MMP26: variants seen among roughly 807,000 people sequenced by gnomAD.
MMP26 encodes matrix metalloproteinase-26.
A neutral mutation model predicts 31.0 loss-of-function variants in MMP26; 33 were observed. The observed-to-expected ratio is 1.06, with a 90% CI of 0.81 to 1.42. The LOEUF (loss-of-function observed/expected upper bound fraction) is 1.42, where lower values mean the gene tolerates loss of function less well. Ranked by LOEUF, MMP26 falls within the 40% of genes most tolerant of loss-of-function variation. The pLI, the probability that MMP26 is intolerant of heterozygous loss-of-function variation, is 0.00. For synonymous variants in MMP26, 122 were observed against 114.9 expected (o/e 1.06, Z -0.40); for missense variants, 347 against 316.1 (o/e 1.10, Z -0.74).
chr11:4,947,750 A>G (rs1217271229), intron 2 of MMP26: 3 of 125,696 alleles, frequency 2.4e-5, no homozygotes, highest in Non-Finnish European at 5.4e-5. Context: ...GACAATAAGA[A>G]TAAACATTTG....
chr11:4,931,088 A>G (rs1261433558), intron 2 of MMP26, among the ~76,000 whole-genome samples: 1 of 152,080 alleles, frequency 6.6e-6, no homozygotes, highest in African/African-American at 2.4e-5. Flanking sequence ...AGGAAGAGAG[A>G]GAGAGACAGA....
intron 1 of MMP26, among the ~76,000 whole-genome samples, chr11:4,757,067 C>A (rs990795555): frequency 1.3e-5 from 2 of 151,710 alleles, no homozygotes; most frequent in Admixed American, 6.6e-5. Flanking sequence ...ATAGAAGAAA[C>A]AACCTGGATT....
At chr11:4,706,106 G>C (rs1369802328) in intron 1 of MMP26, among the ~76,000 whole-genome samples, 1 of 152,180 alleles carries the variant, frequency 6.6e-6, no homozygotes, top group East Asian at 1.9e-4. Flanking sequence ...GCTATGTACA[G>C]TGGAAAGGGG....
chr11:4,915,302 A>G, intron 2 of MMP26: 1 of 1,614,040 alleles, frequency 6.2e-7, no homozygotes, highest in Non-Finnish European at 8.5e-7. Flanking sequence ...GGCCATAGAC[A>G]GTAGCACAGA....
chr11:4,750,055 A>T (rs536268972), intron 1 of MMP26, among the ~76,000 whole-genome samples: 2 of 152,292 alleles, frequency 1.3e-5, no homozygotes, highest in South Asian at 4.1e-4. Flanking sequence ...TAATATTCAG[A>T]ATCTACGAGG....
chr11:4,953,797 A>G (rs1308164750), intron 2 of MMP26, among the ~76,000 whole-genome samples: 1 of 125,588 alleles, frequency 8.0e-6, no homozygotes, highest in Non-Finnish European at 1.8e-5. Flanking sequence ...CACGCCTGTA[A>G]TACCAGCACT....
intron 2 of MMP26, among the ~76,000 whole-genome samples, chr11:4,834,361 T>C (rs1849688048): frequency 6.6e-6 from 1 of 152,150 alleles, no homozygotes; most frequent in Non-Finnish European, 1.5e-5. Context: ...ACCTCTCACT[T>C]TATGGCATTG....
At position 4,906,834 on chromosome 11, in the gene MMP26, T is replaced by C. The variant is rs112269799; in HGVS notation, c.-144-81234T>C. Reference sequence around the variant, plus strand: ...GGCCAGATGCAGTGGCTCACACCTGTAATCCCAGCACTTTGGGAGGCCAAG... The same window carrying C: ...GGCCAGATGCAGTGGCTCACACCTGCAATCCCAGCACTTTGGGAGGCCAAG... On this transcript the variant is annotated intron_variant, in intron 2 of 7. Transcript: ENST00000380390. 5.6e-4 allele frequency among the ~76,000 whole-genome samples: 86 copies of C among 152,236 alleles called. 1 individual carries two copies. The South Asian group carries it at 0.017, about 29-fold the overall frequency.
intron 2 of MMP26, among the ~76,000 whole-genome samples, chr11:4,839,291 C>T (rs990713655): frequency 2.0e-5 from 3 of 151,872 alleles, no homozygotes; most frequent in African/African-American, 7.3e-5. Context: ...TCAAACGAGT[C>T]CTGTTGCTGA....
At chr11:4,916,863 C>A (rs895922545) in intron 2 of MMP26, among the ~76,000 whole-genome samples, 6 of 152,192 alleles carry the variant, frequency 3.9e-5, no homozygotes, top group Non-Finnish European at 8.8e-5. Flanking sequence ...TCAACCATGG[C>A]CACATCCCCA....
At chr11:4,965,757 G>A (rs1451225583) in intron 2 of MMP26, among the ~76,000 whole-genome samples, 1 of 152,170 alleles carries the variant, frequency 6.6e-6, no homozygotes, top group Non-Finnish European at 1.5e-5. Flanking sequence ...AGGAATCAAA[G>A]TAATTCATGT....
At chr11:4,723,205 C>G in intron 1 of MMP26, 1 of 1,538,204 alleles carries the variant, frequency 6.5e-7, no homozygotes, top group Non-Finnish European at 9.0e-7. Context: ...GGGAAGCCCT[C>G]TGGCCTTTGA....
At chr11:4,772,340 A>G (rs1288003275) in intron 2 of MMP26, among the ~76,000 whole-genome samples, 2 of 152,210 alleles carry the variant, frequency 1.3e-5, no homozygotes, top group Non-Finnish European at 2.9e-5. Context: ...TTATAAGTGT[A>G]CTGGCAAGAT....
chr11:4,715,556 A>C (rs912357347), intron 1 of MMP26, among the ~76,000 whole-genome samples: 1 of 152,210 alleles, frequency 6.6e-6, no homozygotes, highest in African/African-American at 2.4e-5. Flanking sequence ...AGAACTTGCT[A>C]TATTTGGTAG....
At chr11:4,884,353 A>G (rs1305002664) in intron 2 of MMP26, among the ~76,000 whole-genome samples, 1 of 152,106 alleles carries the variant, frequency 6.6e-6, no homozygotes, top group Non-Finnish European at 1.5e-5. Context: ...AAGTCTTTGT[A>G]TTCTATTATA....
rs2133475150 is a variant in MMP26, at chr11:4,824,553, T to G, written c.-145+57212T>G. On this transcript the variant is annotated intron_variant, in intron 2 of 7. Coordinates refer to ENST00000380390, the MANE Select transcript of MMP26 (RefSeq NM_021801.5). The stretch of plus-strand genomic sequence containing the variant: ...GACCTTTGAAATGAACCAGACTTCC[T>G]CTTACAAATGCATTCTTTGTTGCCT... Among the ~76,000 whole-genome samples, 3 of 152,262 alleles carry G rather than the reference T, an allele frequency of 2.0e-5. No individual in the cohort carries two copies. The Middle Eastern group carries it at 0.01, about 518-fold the overall frequency.
At chr11:4,822,098 C>T (rs867573989) in intron 2 of MMP26, 3 of 1,613,104 alleles carry the variant, frequency 1.9e-6, no homozygotes, top group African/African-American at 1.3e-5. Context: ...ATCATTCGAT[C>T]TGTCCTCAGC....
intron 2 of MMP26, among the ~76,000 whole-genome samples, chr11:4,837,293 C>T (rs1326859534): frequency 2.0e-5 from 3 of 152,120 alleles, no homozygotes; most frequent in African/African-American, 7.2e-5. Flanking sequence ...CTGCAGCCTC[C>T]TCCTCCTTGG....
At chr11:4,801,513 T>G (rs1216058177) in intron 2 of MMP26, among the ~76,000 whole-genome samples, 1 of 1,758 alleles carries the variant, frequency 5.7e-4, no homozygotes, top group African/African-American at 1.4e-3. Context: ...TTTTTATTTA[T>G]TTATTTATTT....
Sources: allele counts gnomAD v4.1 joint callset (sites outside exome capture counted in the v4.1 genomes callset), GRCh38; gene constraint gnomAD v4.1.1; transcripts MANE v1.5; gene names NCBI Gene and HGNC (gene_info 2026-07-23, HGNC 2026-07-21).